Variants in CIT observed in about 807,000 individuals in gnomAD.
The protein encoded by CIT is citron Rho-interacting kinase.
A neutral mutation model predicts 272.7 loss-of-function variants in CIT; 79 were observed. That is an observed-to-expected ratio of 0.29 (90% CI 0.24 to 0.35). CIT has a LOEUF of 0.35. Ranked by LOEUF, CIT falls within the 10% of genes least tolerant of loss-of-function variation. The pLI is 1.00. For missense variants in CIT, 1,909 were observed against 2,618.3 expected (o/e 0.73, Z 5.91); for synonymous variants, 948 against 995.6 (o/e 0.95, Z 0.90).
intron 23 of CIT, among the ~76,000 whole-genome samples, chr12:119,748,695 G>A (rs1456342184): frequency 1.3e-5 from 2 of 152,210 alleles, no homozygotes; most frequent in Admixed American, 1.3e-4. Flanking sequence ...CCATCATCAC[G>A]CTATGCAGGG....
At chr12:119,709,772 G>GAA (rs879319976) in intron 39 of CIT, among the ~76,000 whole-genome samples, 7,422 of 62,172 alleles carry the variant, frequency 0.12, 487 homozygotes, top group African/African-American at 0.28. Flanking sequence ...AAGAGAGAGA[G>GAA]AGAGAGAGAG....
chr12:119,774,297 T>TA (rs1429839206), intron 16 of CIT, among the ~76,000 whole-genome samples: 2 of 152,084 alleles, frequency 1.3e-5, no homozygotes, highest in African/African-American at 2.4e-5. Flanking sequence ...TTTTTTTTTT[T>TA]ACCACAATTT....
In CIT at chr12:119,825,380, T is replaced by C; in HGVS notation, c.754-12A>G. On this transcript the variant is annotated splice_polypyrimidine_tract_variant and intron_variant, in intron 7 of 47. Coordinates refer to ENST00000392521, the MANE Select transcript of CIT (RefSeq NM_001206999.2). Reference sequence around the variant, plus strand: ...AGTTTGGCATTCACCTAGAATCCCATCAATAAAACGAATACAGCAAACTTT... The same window carrying C: ...AGTTTGGCATTCACCTAGAATCCCACCAATAAAACGAATACAGCAAACTTT... The C allele has an allele frequency of 6.2e-7, 1 of 1,611,480 alleles. No individual in the cohort carries two copies. Among genetic ancestry groups the C allele is most frequent in the Non-Finnish European group, 8.5e-7 (1 of 1,178,498 alleles).
At chr12:119,792,905 T>C (rs118070634) in intron 10 of CIT, among the ~76,000 whole-genome samples, 4,771 of 151,982 alleles carry the variant, frequency 0.031, 142 homozygotes, top group East Asian at 0.12. Flanking sequence ...GAGGTTGTCT[T>C]GAGCCGAGAT....
At chr12:119,729,641 C>T (rs1158220053) in intron 27 of CIT, among the ~76,000 whole-genome samples, 2 of 152,074 alleles carry the variant, frequency 1.3e-5, no homozygotes, top group Non-Finnish European at 2.9e-5. Context: ...TAAACATAAG[C>T]ACAGAGACTG....
intron 20 of CIT, among the ~76,000 whole-genome samples, chr12:119,760,667 C>T (rs183954177): frequency 2.9e-4 from 44 of 151,058 alleles, no homozygotes; most frequent in Admixed American, 7.9e-4. Context: ...AGCCACTGGA[C>T]ATTTTGTCAG....
chr12:119,851,318 C>T (rs1443484450), intron 4 of CIT, among the ~76,000 whole-genome samples: 1 of 152,086 alleles, frequency 6.6e-6, no homozygotes, highest in African/African-American at 2.4e-5. Flanking sequence ...ATTGTATATA[C>T]GTATGTGTAT....
Position 119,712,481 on chromosome 12 carries a change from A to G in CIT, c.4684+110T>C. ...TACCGCCAAGGCGGGGAGCGGAGGA[A>G]GATGGGCCTCCTTTGCAGAGCCAAT... On this transcript the variant is annotated intron_variant, in intron 36 of 47. Coordinates refer to ENST00000392521, the MANE Select transcript of CIT (RefSeq NM_001206999.2). This position sits in a 1 kb window ranked among gnomAD's most constrained non-coding sequence, Gnocchi z 5.2. 7.2e-7 allele frequency: 1 copy of G among 1,388,374 alleles called. No individual in the cohort carries two copies. Among genetic ancestry groups the G allele is most frequent in the Non-Finnish European group, 1.0e-6 (1 of 997,004 alleles). 86.0% of individuals were successfully genotyped at this position (1,388,374 alleles called of 1,614,324 possible).
At chr12:119,825,806 G>A (rs1234335276) in intron 7 of CIT, among the ~76,000 whole-genome samples, 6 of 152,220 alleles carry the variant, frequency 3.9e-5, no homozygotes, top group South Asian at 2.1e-4. Context: ...AGTGGCCCAT[G>A]CCTGTAATCC....
intron 3 of CIT, among the ~76,000 whole-genome samples, chr12:119,866,068 GCATTCCAA>G (rs1950507072): frequency 1.3e-5 from 2 of 152,014 alleles, no homozygotes; most frequent in South Asian, 4.2e-4. Context: ...ACCCCTTTGG[GCATTCCAA>G]CAAAACCGAT....
intron 9 of CIT, among the ~76,000 whole-genome samples, chr12:119,819,981 C>T (rs1442638928): frequency 6.6e-6 from 1 of 152,088 alleles, no homozygotes; most frequent in Non-Finnish European, 1.5e-5. Context: ...GCCATAAAAC[C>T]ACCAGGAAAA....
chr12:119,758,665 C>A lies in CIT; in HGVS notation c.2457G>T (p.Leu819=). ...CAGACAGTTCCACAATCCTCTGTTC[C>A]AGGGATCTGATCTTGGAATCCATAG... ...INAMDSKIRS[L]EQRIVELSEA... The change falls in exon 21 of 48, where the codon CTG becomes CTT. Residue 819 remains leucine (L), a synonymous_variant. Coordinates refer to ENST00000392521, the MANE Select transcript of CIT (RefSeq NM_001206999.2). 6.2e-7 allele frequency: 1 copy of A among 1,613,848 alleles called. No homozygotes were observed. Among genetic ancestry groups the A allele is most frequent in the East Asian group, 2.2e-5 (1 of 44,872 alleles).
intron 4 of CIT, among the ~76,000 whole-genome samples, chr12:119,851,322 T>A (rs531972203): frequency 1.3e-5 from 2 of 152,346 alleles, no homozygotes; most frequent in African/African-American, 2.4e-5. Context: ...TATATACGTA[T>A]GTGTATTCCT....
rs200115521 is a variant in CIT at position 119,757,359 on chromosome 12, C to A, written c.2706+12G>T. 584 of 1,613,430 alleles carry A rather than the reference C, an allele frequency of 3.6e-4. 11 individuals are homozygous for A. In the South Asian group the frequency reaches 6.0e-3, roughly 17 times the overall value. On this transcript the variant is annotated intron_variant, in intron 22 of 47. Transcript: ENST00000392521. ...CAGCAAATCCTCCCAGGAGATGACT[C>A]CTCGCTCTCACCTCCCGCAATCTTG...
In CIT at chr12:119,804,427, G is replaced by A; in HGVS notation, c.1112-1038C>T. ...GCTGCATGCTCCCGGCTCCGTGCGT[G>A]CGTGCTCTGGCTGGAACCCCACCTG... is the stretch of plus-strand genomic sequence containing the variant. On this transcript the variant is annotated intron_variant, in intron 9 of 47. Coordinates refer to ENST00000392521, the MANE Select transcript of CIT (RefSeq NM_001206999.2). The surrounding 1 kb of genome is among the most constrained non-coding windows in gnomAD (Gnocchi z 5.3). The A allele has an allele frequency of 2.0e-6, 2 of 985,844 alleles. No homozygotes were observed. The highest frequency in any genetic ancestry group is 2.4e-6 in the Non-Finnish European group (2 of 830,276). The allele number at this position is 985,844 out of a possible 1,614,324, so 61.1% of individuals were successfully genotyped here.
intron 19 of CIT, among the ~76,000 whole-genome samples, chr12:119,765,953 G>A (rs1013430128): frequency 6.6e-6 from 1 of 152,194 alleles, no homozygotes; most frequent in Non-Finnish European, 1.5e-5. Context: ...GTTTGCTGCA[G>A]TACTATTTAC....
Position 119,710,176 on chromosome 12 carries a change from C to T in CIT, c.5071+75G>A, listed in dbSNP as rs1274605224. 2.0e-5 allele frequency: 31 copies of T among 1,521,926 alleles called. No homozygotes were observed. Among genetic ancestry groups the T allele is most frequent in the East Asian group, 6.8e-5 (3 of 44,392 alleles). The allele number at this position is 1,521,926 out of a possible 1,614,324, so 94.3% of individuals were successfully genotyped here. A position where few individuals can be genotyped will look rare whatever the true frequency, so the allele number is the denominator to read the frequency against. The stretch of plus-strand genomic sequence containing the variant: ...CTCCTCTCTACTATTTTGTGTTTTA[C>T]GAGCATGAAACGTGGCTTCAACATA... On this transcript the variant is annotated intron_variant, in intron 39 of 47. Transcript: ENST00000392521. The surrounding 1 kb of genome is among the most constrained non-coding windows in gnomAD (Gnocchi z 5.6).
chr12:119,732,566 T>C (rs1436596147), intron 26 of CIT, among the ~76,000 whole-genome samples: 1 of 152,182 alleles, frequency 6.6e-6, no homozygotes, highest in Non-Finnish European at 1.5e-5. Flanking sequence ...GTGGGGAAGC[T>C]GGGAGGATCT....
Position 119,825,172 on chromosome 12 carries a change from T to G in CIT, c.950A>C (p.Asn317Thr). 6 of 1,612,728 alleles carry G rather than the reference T, an allele frequency of 3.7e-6. No individual in the cohort carries two copies. The highest frequency in any genetic ancestry group is 3.3e-5 in the Admixed American group (2 of 59,712). The change falls in exon 8 of 48, where the codon AAT becomes ACT. Residue 317 changes from asparagine (N) to threonine (T), a missense_variant. Coordinates refer to ENST00000392521, the MANE Select transcript of CIT (RefSeq NM_001206999.2). Reference sequence around the variant, plus strand: ...CTTCTAAGGACTCTTTACCTGGAAATTCATAATGTTATTGAAGGTTCTGGC... The same window carrying G: ...CTTCTAAGGACTCTTTACCTGGAAAGTCATAATGTTATTGAAGGTTCTGGC... ...TSARTFNNIM[N>T]FQRFLKFPDD...
Sources: gnomAD v4.1 joint callset for allele counts (sites outside exome capture counted in the v4.1 genomes callset) on GRCh38, gnomAD v4.1.1 for gene constraint, Gnocchi (gnomAD v3.1) non-coding constraint, MANE v1.5 for transcripts, NCBI Gene and HGNC (gene_info 2026-07-23, HGNC 2026-07-21) for gene names.